The following PRKG1 variants were observed in gnomAD, a reference collection of about 807,000 sequenced individuals.
PRKG1 encodes cGMP-dependent protein kinase 1.
Under a neutral mutation model 88.1 loss-of-function variants are expected in PRKG1, and 35 were observed. The ratio of observed to expected loss-of-function variants is 0.40; its 90% CI spans 0.30 to 0.53. PRKG1 has a LOEUF of 0.53. Ranked by LOEUF, PRKG1 falls within the 20% of genes least tolerant of loss-of-function variation. PRKG1 has a pLI of 0.59. For synonymous variants in PRKG1, 303 were observed against 292.5 expected (o/e 1.04, Z -0.37); for missense variants, 540 against 839.8 (o/e 0.64, Z 4.41).
Position 51,417,636 on chromosome 10 carries a change from A to T in PRKG1, c.479-50087A>T, listed in dbSNP as rs556744842. ...AGTAGGACCGAGTCTTTTATATATCATTATTAAACGTGAGTTAATGGGATG... is the reference window on the plus strand; with the variant it reads ...AGTAGGACCGAGTCTTTTATATATCTTTATTAAACGTGAGTTAATGGGATG... On this transcript the variant is annotated intron_variant, in intron 2 of 17. Transcript: ENST00000373980. Among the ~76,000 whole-genome samples, 6 of 152,278 alleles carry T rather than the reference A, an allele frequency of 3.9e-5. No individual in the cohort carries two copies. In the South Asian group the frequency reaches 1.2e-3, roughly 32 times the overall value.
intron 4 of PRKG1, among the ~76,000 whole-genome samples, chr10:51,808,373 G>A (rs1181031883): frequency 6.6e-6 from 1 of 152,144 alleles, no homozygotes; most frequent in African/African-American, 2.4e-5. Context: ...AAAGTGGGCG[G>A]ATTGTTTGAG....
chr10:51,946,297 G>T (rs1454266241), intron 5 of PRKG1, among the ~76,000 whole-genome samples: 1 of 151,958 alleles, frequency 6.6e-6, no homozygotes, highest in East Asian at 1.9e-4. Flanking sequence ...TCGAGCCTTG[G>T]CTTTCAGCTC....
At chr10:52,113,301 G>A (rs1442514778) in intron 7 of PRKG1, among the ~76,000 whole-genome samples, 1 of 152,012 alleles carries the variant, frequency 6.6e-6, no homozygotes, top group Non-Finnish European at 1.5e-5. Flanking sequence ...TATTCATTAT[G>A]TATCATTGTA....
At chr10:51,311,813 A>C (rs575463867) in intron 2 of PRKG1, among the ~76,000 whole-genome samples, 85 of 152,178 alleles carry the variant, frequency 5.6e-4, no homozygotes, top group Non-Finnish European at 9.4e-4. Flanking sequence ...TCTGAAAAGT[A>C]AACATACTAT....
At chr10:51,102,579 C>G (rs948620496) in intron 1 of PRKG1, among the ~76,000 whole-genome samples, 3 of 152,184 alleles carry the variant, frequency 2.0e-5, no homozygotes, top group African/African-American at 7.2e-5. Context: ...CAGACACATT[C>G]CCTCTTGGTA....
At chr10:51,396,834 G>A (rs1352645615) in intron 2 of PRKG1, among the ~76,000 whole-genome samples, 2 of 152,206 alleles carry the variant, frequency 1.3e-5, no homozygotes, top group Non-Finnish European at 2.9e-5. Flanking sequence ...GTAGTAGGGC[G>A]GGTACTGGGG....
chr10:51,755,523 G>A lies in PRKG1; in HGVS notation c.593-49062G>A, dbSNP rs375284968. On this transcript the variant is annotated intron_variant, in intron 3 of 17. Coordinates refer to ENST00000373980, the MANE Select transcript of PRKG1 (RefSeq NM_006258.4). ...GCAGCAACAAACAAACCCAAGAATA[G>A]CCCAGCAAGCATCTTGCCTTATAAC... Among the ~76,000 whole-genome samples the A allele has an allele frequency of 5.9e-5, 9 of 152,290 alleles. No individual in the cohort carries two copies. In the East Asian group the frequency reaches 7.7e-4, roughly 13 times the overall value.
chr10:51,394,106 C>T (rs969848132), intron 2 of PRKG1, among the ~76,000 whole-genome samples: 4 of 152,168 alleles, frequency 2.6e-5, no homozygotes, highest in African/African-American at 9.7e-5. Context: ...TTATTTATTA[C>T]TTCCTAACAA....
intron 4 of PRKG1, among the ~76,000 whole-genome samples, chr10:51,905,602 G>GTT (rs200855643): frequency 1.3e-5 from 2 of 150,732 alleles, no homozygotes; most frequent in African/African-American, 4.9e-5. Flanking sequence ...ATAACCTTTT[G>GTT]TTTTTTTTTA....
At chr10:51,127,286 A>C (rs1398624353) in intron 1 of PRKG1, among the ~76,000 whole-genome samples, 1 of 152,154 alleles carries the variant, frequency 6.6e-6, no homozygotes, top group African/African-American at 2.4e-5. Flanking sequence ...ACAACATCAA[A>C]AAGTGGGCAA....
intron 4 of PRKG1, among the ~76,000 whole-genome samples, chr10:51,890,922 C>T (rs1363494631): frequency 1.3e-5 from 2 of 152,186 alleles, no homozygotes; most frequent in Admixed American, 6.5e-5. Context: ...TGCCACTGCA[C>T]TCCAGCCTGG....
intron 5 of PRKG1, among the ~76,000 whole-genome samples, chr10:51,987,437 T>C (rs892717527): frequency 2.0e-5 from 3 of 150,850 alleles, no homozygotes; most frequent in East Asian, 3.9e-4. Context: ...AATGTTGACA[T>C]GTAAAATCTT....
At chr10:51,107,547 C>T (rs1844867221) in intron 1 of PRKG1, among the ~76,000 whole-genome samples, 1 of 151,912 alleles carries the variant, frequency 6.6e-6, no homozygotes, top group Admixed American at 6.6e-5. Context: ...ATCAATAAAA[C>T]TGATGAACCT....
intron 1 of PRKG1, among the ~76,000 whole-genome samples, chr10:51,150,686 G>T (rs1470724171): frequency 6.6e-6 from 1 of 152,042 alleles, no homozygotes; most frequent in African/African-American, 2.4e-5. Context: ...CCTCCAGTTT[G>T]TTTCTTCAGA....
At chr10:52,135,064 C>T (rs921280837) in intron 8 of PRKG1, among the ~76,000 whole-genome samples, 4 of 151,860 alleles carry the variant, frequency 2.6e-5, no homozygotes, top group Admixed American at 6.6e-5. Context: ...TAAGAGTTAG[C>T]GTCTAATAGA....
intron 2 of PRKG1, among the ~76,000 whole-genome samples, chr10:51,358,657 G>A (rs1392191136): frequency 6.6e-6 from 1 of 151,870 alleles, no homozygotes; most frequent in African/African-American, 2.4e-5. Flanking sequence ...TCATTTTACA[G>A]GTTATAACCA....
chr10:52,137,352 A>G (rs1395265624), intron 8 of PRKG1, among the ~76,000 whole-genome samples: 1 of 152,116 alleles, frequency 6.6e-6, no homozygotes, highest in Non-Finnish European at 1.5e-5. Context: ...GTCAAAATTT[A>G]TGAATATTGT....
chr10:51,625,893 C>T (rs531665541), intron 3 of PRKG1, among the ~76,000 whole-genome samples: 1 of 152,272 alleles, frequency 6.6e-6, no homozygotes, highest in Admixed American at 6.5e-5. Context: ...GTTTAAGTTA[C>T]ACTTCTCCCC....
At chr10:51,836,190 A>G (rs1004324922) in intron 4 of PRKG1, among the ~76,000 whole-genome samples, 1 of 152,180 alleles carries the variant, frequency 6.6e-6, no homozygotes, top group African/African-American at 2.4e-5. Context: ...ACATCAACCA[A>G]TGGAATAGGA....
Sources: allele counts gnomAD v4.1 joint callset (sites outside exome capture counted in the v4.1 genomes callset), GRCh38; gene constraint gnomAD v4.1.1; transcripts MANE v1.5; gene names NCBI Gene and HGNC (gene_info 2026-07-23, HGNC 2026-07-21).